The following EVC2 variants were observed in gnomAD, a reference collection of about 807,000 sequenced individuals.
EVC2 encodes the protein limbin.
Under a neutral mutation model 149.3 loss-of-function variants are expected in EVC2, and 148 were observed. The observed-to-expected ratio is 0.99, with a 90% CI of 0.87 to 1.14. The LOEUF (loss-of-function observed/expected upper bound fraction) is 1.14, where lower values mean the gene tolerates loss of function less well. Among genes scored for constraint, EVC2 ranks in the 50% most tolerant of loss-of-function variants. EVC2 has a pLI of 0.00. For synonymous variants in EVC2, 776 were observed against 649.9 expected (o/e 1.19, Z -2.95); for missense variants, 1,854 against 1,627.3 (o/e 1.14, Z -2.40).
intron 17 of EVC2, among the ~76,000 whole-genome samples, chr4:5,581,335 C>T (rs531695974): frequency 8.7e-4 from 133 of 152,264 alleles, no homozygotes; most frequent in African/African-American, 2.9e-3. Flanking sequence ...TTTGGAACTT[C>T]CTAGAGACTT....
chr4:5,646,077 G>A (rs1194980872), intron 9 of EVC2, among the ~76,000 whole-genome samples: 4 of 152,034 alleles, frequency 2.6e-5, no homozygotes, highest in African/African-American at 4.8e-5. Context: ...GATTACAGGC[G>A]TGTGCCACCA....
Position 5,614,833 on chromosome 4 carries a change from C to CT in EVC2, c.2829+588_2829+589insA, listed in dbSNP as rs869081075. Among the ~76,000 whole-genome samples the CT allele has an allele frequency of 3.3e-4, 21 of 63,130 alleles. No homozygotes were observed. Among genetic ancestry groups the CT allele is most frequent in the African/African-American group, 1.6e-3 (15 of 9,208 alleles). The allele number at this position is 63,130 out of a possible 152,430, so 41.4% of individuals were successfully genotyped here. ...TGTCTACTAAAAATACAAAAATTAG[C>CT]AGGTGTGATGGTGGGTGCCTGTAAT... On this transcript the variant is annotated intron_variant, in intron 16 of 21. Coordinates refer to ENST00000344408, the MANE Select transcript of EVC2 (RefSeq NM_147127.5). The surrounding 1 kb of genome is among the most constrained non-coding windows in gnomAD (Gnocchi z 4.7).
chr4:5,581,166 A>T (rs1334306130), intron 17 of EVC2, among the ~76,000 whole-genome samples: 1 of 152,232 alleles, frequency 6.6e-6, no homozygotes, highest in Non-Finnish European at 1.5e-5. Context: ...GTATTTCTTT[A>T]TAGCAATGTG....
At chr4:5,650,634 T>TAGAGAGAGAG (rs1204960392) in intron 9 of EVC2, among the ~76,000 whole-genome samples, 51 of 58,164 alleles carry the variant, frequency 8.8e-4, no homozygotes, top group Non-Finnish European at 1.6e-3. Flanking sequence ...TATATATATA[T>TAGAGAGAGAG]ATATAGAGAG....
rs1259124504 is a variant in EVC2 at position 5,563,060 on chromosome 4, C to G, written c.3715G>C (p.Gly1239Arg). The G allele has an allele frequency of 6.2e-7, 1 of 1,614,158 alleles. No homozygotes were observed. The highest frequency in any genetic ancestry group is 1.7e-5 in the Admixed American group (1 of 60,022). Residue 1239 changes from glycine to arginine, a missense_variant, in exon 22 of 22, where the codon GGA becomes CGA. Coordinates refer to ENST00000344408, the MANE Select transcript of EVC2 (RefSeq NM_147127.5). Reference sequence around the variant, plus strand: ...TCCAGTGACAGGTGTGGCCAACTTCCTTTTCCAGAGAATATCATCCTCTCT... The same window carrying G: ...TCCAGTGACAGGTGTGGCCAACTTCGTTTTCCAGAGAATATCATCCTCTCT... ...LRERMIFSGKGSWPHLSLEPI... is the reference protein window; with the variant it reads ...LRERMIFSGKRSWPHLSLEPI...
At chr4:5,548,938 C>A (rs1401561017) in intron 21 of EVC2, among the ~76,000 whole-genome samples, 3 of 121,956 alleles carry the variant, frequency 2.5e-5, no homozygotes, top group Non-Finnish European at 5.2e-5. Context: ...AACAAGAGCC[C>A]TTCCTTCCTT....
chr4:5,640,218 G>A lies in EVC2; in HGVS notation c.1470+296C>T, dbSNP rs1048337205. On this transcript the variant is annotated intron_variant, in intron 10 of 21. Coordinates refer to ENST00000344408, the MANE Select transcript of EVC2 (RefSeq NM_147127.5). The surrounding 1 kb of genome is among the most constrained non-coding windows in gnomAD (Gnocchi z 4.6). Reference sequence around the variant, plus strand: ...GAACAGACAGATGGATGTGTAGATGGACAGATGGGTGAATGAGTGGGTGGA... The same window carrying A: ...GAACAGACAGATGGATGTGTAGATGAACAGATGGGTGAATGAGTGGGTGGA... 6.6e-6 allele frequency among the ~76,000 whole-genome samples: 1 copy of A among 151,170 alleles called. No individual in the cohort carries two copies. Among genetic ancestry groups the A allele is most frequent in the Non-Finnish European group, 1.5e-5 (1 of 67,740 alleles).
At chr4:5,568,687 T>C (rs1352464137) in intron 19 of EVC2, 47 bp from the exon 20 acceptor site, 3 of 1,561,132 alleles carry the variant, frequency 1.9e-6, no homozygotes, top group Non-Finnish European at 2.6e-6. Flanking sequence ...GCCTCTCAAC[T>C]TGAACCATCA....
At chr4:5,573,868 G>C (rs1414159310) in intron 19 of EVC2, among the ~76,000 whole-genome samples, 7 of 152,198 alleles carry the variant, frequency 4.6e-5, no homozygotes, top group Non-Finnish European at 7.3e-5. Flanking sequence ...CCACGGGTCA[G>C]CTCTCAGGTT....
In EVC2 at chr4:5,660,894, C is replaced by T. The variant is rs552252043; in HGVS notation, c.1145+2213G>A. 1.8e-4 allele frequency among the ~76,000 whole-genome samples: 27 copies of T among 152,288 alleles called. No homozygotes were observed. In the South Asian group the frequency reaches 5.4e-3, roughly 30 times the overall value. On this transcript the variant is annotated intron_variant, in intron 9 of 21. Transcript: ENST00000344408. ...GGGTAAACCTCTCAGCCTAGCTGAG[C>T]CTCAGCTGCTTCAACTATCAAACAC...
chr4:5,662,171 G>A (rs182935276), intron 9 of EVC2, among the ~76,000 whole-genome samples: 15 of 152,050 alleles, frequency 9.9e-5, no homozygotes, highest in East Asian at 3.9e-4. Context: ...CTCCTTTCAC[G>A]TCCTTACATC....
intron 21 of EVC2, among the ~76,000 whole-genome samples, chr4:5,546,277 C>T (rs1270219958): frequency 3.9e-5 from 6 of 152,122 alleles, no homozygotes; most frequent in African/African-American, 9.7e-5. Context: ...ATGTTTACTG[C>T]GGCACTGTTC....
At chr4:5,621,919 A>C (rs1715714584) in intron 14 of EVC2, among the ~76,000 whole-genome samples, 1 of 152,208 alleles carries the variant, frequency 6.6e-6, no homozygotes, top group African/African-American at 2.4e-5. Flanking sequence ...GGTGTGGTCC[A>C]CTGCATCCTA....
At chr4:5,644,520 G>T (rs1717571626) in intron 9 of EVC2, among the ~76,000 whole-genome samples, 2 of 152,128 alleles carry the variant, frequency 1.3e-5, no homozygotes, top group Admixed American at 1.3e-4. Context: ...GGCCAGGATG[G>T]TCTCAATCTC....
chr4:5,634,582 G>A (rs1392587379), intron 10 of EVC2, among the ~76,000 whole-genome samples: 2 of 152,152 alleles, frequency 1.3e-5, no homozygotes, highest in Admixed American at 6.5e-5. Flanking sequence ...TATCTCTGCC[G>A]AAGAATAAAG....
chr4:5,594,668 C>T (rs932284775), intron 16 of EVC2, among the ~76,000 whole-genome samples: 5 of 152,212 alleles, frequency 3.3e-5, no homozygotes, highest in African/African-American at 1.2e-4. Flanking sequence ...AGCGCCTCTC[C>T]TCCTCCAAAG....
At chr4:5,707,477 C>T (rs563965692) in intron 1 of EVC2, among the ~76,000 whole-genome samples, 14 of 152,036 alleles carry the variant, frequency 9.2e-5, no homozygotes, top group African/African-American at 3.1e-4. Flanking sequence ...CTGTCAGGGG[C>T]AATAAGGTGG....
At chr4:5,564,045 G>C (rs939021162) in intron 21 of EVC2, among the ~76,000 whole-genome samples, 1 of 151,844 alleles carries the variant, frequency 6.6e-6, no homozygotes, top group Admixed American at 6.6e-5. Flanking sequence ...CTCTGCCCAA[G>C]CAGGGCAGGA....
chr4:5,588,771 T>A (rs1459764440), intron 16 of EVC2, among the ~76,000 whole-genome samples: 1 of 152,218 alleles, frequency 6.6e-6, no homozygotes, highest in African/African-American at 2.4e-5. Context: ...ATCTTCCATA[T>A]CTATACTTAA....
Sources: allele counts gnomAD v4.1 joint callset (sites outside exome capture counted in the v4.1 genomes callset), GRCh38; gene constraint gnomAD v4.1.1; non-coding constraint Gnocchi (gnomAD v3.1); transcripts MANE v1.5; gene names NCBI Gene and HGNC (gene_info 2026-07-23, HGNC 2026-07-21).